Variants in PHF14 observed in about 807,000 individuals in gnomAD.
PHF14 encodes the protein PHD finger protein 14.
Under a neutral mutation model 117.9 loss-of-function variants are expected in PHF14, and 55 were observed. The ratio of observed to expected loss-of-function variants is 0.47; its 90% CI spans 0.38 to 0.58. The LOEUF is 0.58. PHF14 is among the 20% of genes least tolerant of loss of function. The pLI, the probability that PHF14 is intolerant of heterozygous loss-of-function variation, is 0.00. For synonymous variants in PHF14, 409 were observed against 368.6 expected (o/e 1.11, Z -1.26); for missense variants, 978 against 1,122.2 (o/e 0.87, Z 1.84).
In PHF14 at chr7:11,056,136, T is replaced by C. The variant is rs372849343; in HGVS notation, c.2481+4356T>C. On this transcript the variant is annotated intron_variant, in intron 14 of 17. Transcript: ENST00000634607. ...TTTTTGTAGTGAACTAGAACTCACT[T>C]TGGCTACTTGGAAGAGATCTACTCT... Among the ~76,000 whole-genome samples the C allele has an allele frequency of 3.3e-5, 5 of 151,698 alleles. No individual in the cohort carries two copies. The East Asian group carries it at 5.8e-4, about 18-fold the overall frequency.
chr7:11,097,339 C>T (rs991717727), intron 16 of PHF14, among the ~76,000 whole-genome samples: 1 of 151,932 alleles, frequency 6.6e-6, no homozygotes, highest in Middle Eastern at 3.2e-3. Context: ...TATTATGACA[C>T]CTAAAATAGA....
chr7:11,076,419 TTAATA>T (rs963007179), intron 16 of PHF14, among the ~76,000 whole-genome samples: 1 of 151,934 alleles, frequency 6.6e-6, no homozygotes, highest in Admixed American at 6.5e-5. Context: ...TTAGTTGTAT[TTAATA>T]TTATTTTTTT....
chr7:11,016,418 T>C (rs1783537828), intron 5 of PHF14, among the ~76,000 whole-genome samples: 1 of 152,098 alleles, frequency 6.6e-6, no homozygotes, highest in African/African-American at 2.4e-5. Context: ...AATTAGACTT[T>C]TTTCCTTCTA....
rs139561863 is a variant in PHF14 at position 11,086,802 on chromosome 7, A to G, written c.2655-24548A>G. Among the ~76,000 whole-genome samples, 45 of 152,292 alleles carry G rather than the reference A, an allele frequency of 3.0e-4. No individual in the cohort carries two copies. In the East Asian group the frequency reaches 8.1e-3, roughly 27 times the overall value. ...GTCATCATTTGAATATAATTTGTAT[A>G]GTAATTTAATTCATTGTTTTCATGG... On this transcript the variant is annotated intron_variant, in intron 16 of 17. Coordinates refer to ENST00000634607, the MANE Select transcript of PHF14 (RefSeq NM_001007157.2).
In PHF14 at chr7:11,130,095, CATT is replaced by C. The variant is rs200159816; in HGVS notation, c.2772+18631_2772+18633del. ...TACAGGTTGACAGAGCAGCTCTGCTCATTATAGTCACTTGGGGACCCGAGCTGA... is the reference window on the plus strand; with the variant it reads ...TACAGGTTGACAGAGCAGCTCTGCTCATAGTCACTTGGGGACCCGAGCTGA... On this transcript the variant is annotated intron_variant, in intron 17 of 17. Transcript: ENST00000634607. This position sits in a 1 kb window ranked among gnomAD's most constrained non-coding sequence, Gnocchi z 4.2. Among the ~76,000 whole-genome samples, 2,783 of 150,876 alleles carry C rather than the reference CATT, an allele frequency of 0.018. 37 individuals are homozygous for C. Among genetic ancestry groups the C allele is most frequent in the Middle Eastern group, 0.045 (13 of 292 alleles).
chr7:11,125,906 A>G (rs556702942), intron 17 of PHF14, among the ~76,000 whole-genome samples: 1 of 152,208 alleles, frequency 6.6e-6, no homozygotes, highest in East Asian at 1.9e-4. Flanking sequence ...GCAAAAGATT[A>G]TGTGCTTCAC....
At chr7:11,069,794 A>T (rs893328825) in intron 16 of PHF14, among the ~76,000 whole-genome samples, 1 of 150,598 alleles carries the variant, frequency 6.6e-6, no homozygotes, top group East Asian at 2.0e-4. Context: ...AGTAGCTGGA[A>T]TTACCACCGT....
chr7:10,984,357 G>GA (rs1782145444), intron 3 of PHF14, among the ~76,000 whole-genome samples: 1 of 152,094 alleles, frequency 6.6e-6, no homozygotes, highest in Non-Finnish European at 1.5e-5. Context: ...TATTTTATAT[G>GA]AAAAAATATT....
chr7:11,005,493 C>A (rs1005202587), intron 4 of PHF14, among the ~76,000 whole-genome samples: 1 of 152,206 alleles, frequency 6.6e-6, no homozygotes, highest in South Asian at 2.1e-4. Context: ...CTTTCTCTCA[C>A]TGTTTCTCTG....
At chr7:11,050,177 A>G (rs977263946) in intron 13 of PHF14, among the ~76,000 whole-genome samples, 6 of 152,330 alleles carry the variant, frequency 3.9e-5, no homozygotes, top group East Asian at 1.9e-4. Context: ...TATTAGTTTA[A>G]TAAGTTCACA....
chr7:11,069,098 A>G (rs1267063699), intron 16 of PHF14, among the ~76,000 whole-genome samples: 2 of 152,184 alleles, frequency 1.3e-5, no homozygotes, highest in Non-Finnish European at 2.9e-5. Flanking sequence ...TTATTCTGGT[A>G]GCATCAGGAA....
intron 17 of PHF14, among the ~76,000 whole-genome samples, chr7:11,139,681 G>A (rs898663738): frequency 6.6e-6 from 1 of 152,154 alleles, no homozygotes; most frequent in Non-Finnish European, 1.5e-5. Context: ...AGTGTGTATT[G>A]TGTGTCAGTC....
chr7:10,980,059 A>G (rs921242093), intron 2 of PHF14, among the ~76,000 whole-genome samples: 1 of 152,150 alleles, frequency 6.6e-6, no homozygotes, highest in Non-Finnish European at 1.5e-5. Context: ...ATTTGAAAAA[A>G]TAATTAATTA....
At chr7:11,080,779 AG>A (rs1786068017) in intron 16 of PHF14, among the ~76,000 whole-genome samples, 1 of 152,208 alleles carries the variant, frequency 6.6e-6, no homozygotes. Flanking sequence ...ATGTGATTAA[AG>A]CATGCCCTAA....
intron 17 of PHF14, among the ~76,000 whole-genome samples, chr7:11,167,154 G>C (rs1175636366): frequency 1.3e-5 from 2 of 152,084 alleles, no homozygotes; most frequent in African/African-American, 4.8e-5. Context: ...TTTTGACTTA[G>C]AGCAGCAAGG....
At chr7:11,137,838 G>A (rs1788270252) in intron 17 of PHF14, among the ~76,000 whole-genome samples, 2 of 151,844 alleles carry the variant, frequency 1.3e-5, no homozygotes, top group South Asian at 2.1e-4. Flanking sequence ...TGCCCACCTC[G>A]GCCTCCCTAA....
intron 16 of PHF14, chr7:11,104,632 A>G: frequency 3.1e-6 from 3 of 982,798 alleles, no homozygotes; most frequent in Non-Finnish European, 3.6e-6. Context: ...GAAATACAGG[A>G]AGAATGACAT....
intron 16 of PHF14, among the ~76,000 whole-genome samples, chr7:11,065,910 T>G (rs1426199872): frequency 6.6e-6 from 1 of 152,212 alleles, no homozygotes; most frequent in Non-Finnish European, 1.5e-5. Flanking sequence ...ATAGCATCTT[T>G]AATTTTATTT....
intron 17 of PHF14, among the ~76,000 whole-genome samples, chr7:11,112,764 C>T (rs1391346561): frequency 6.6e-6 from 1 of 150,876 alleles, no homozygotes; most frequent in African/African-American, 2.4e-5. Context: ...GGGCGAGACT[C>T]CATCTCAAAA....
Sources: allele counts gnomAD v4.1 joint callset (sites outside exome capture counted in the v4.1 genomes callset), GRCh38; gene constraint gnomAD v4.1.1; non-coding constraint Gnocchi (gnomAD v3.1); transcripts MANE v1.5; gene names NCBI Gene and HGNC (gene_info 2026-07-23, HGNC 2026-07-21).